The following RORA variants were observed in gnomAD, a reference collection of about 807,000 sequenced individuals.
RORA encodes the protein nuclear receptor ROR-alpha.
RORA carries 7 observed loss-of-function variants against 69.5 expected under a neutral mutation model. The ratio of observed to expected loss-of-function variants is 0.10; its 90% CI spans 0.06 to 0.19. RORA has a LOEUF of 0.19. RORA is among the 10% of genes least tolerant of loss of function. The pLI is 1.00. For synonymous variants in RORA, 261 were observed against 240.8 expected (o/e 1.08, Z -0.78); for missense variants, 457 against 663.0 (o/e 0.69, Z 3.41).
intron 1 of RORA, among the ~76,000 whole-genome samples, chr15:60,951,050 C>T: frequency 6.6e-6 from 1 of 151,012 alleles, no homozygotes; most frequent in Non-Finnish European, 1.5e-5. Flanking sequence ...TAAAGCTCTC[C>T]TCAGCAAATG....
intron 1 of RORA, among the ~76,000 whole-genome samples, chr15:61,215,098 T>A (rs1377086383): frequency 1.4e-5 from 2 of 142,202 alleles, no homozygotes; most frequent in East Asian, 2.1e-4. Flanking sequence ...TTAGCCAGGA[T>A]GGTCTCGAAC....
intron 1 of RORA, among the ~76,000 whole-genome samples, chr15:61,084,180 G>A (rs1036036415): frequency 9.2e-5 from 14 of 152,212 alleles, no homozygotes; most frequent in Non-Finnish European, 2.1e-4. Flanking sequence ...CAGAGATGGT[G>A]AACAAATCAT....
intron 1 of RORA, among the ~76,000 whole-genome samples, chr15:61,010,875 C>G (rs1895065627): frequency 6.6e-6 from 1 of 152,168 alleles, no homozygotes; most frequent in African/African-American, 2.4e-5. Context: ...TTTCTACTTA[C>G]ATCAATGAGC....
At chr15:60,516,921 T>C (rs1224698150) in intron 3 of RORA, among the ~76,000 whole-genome samples, 3 of 151,884 alleles carry the variant, frequency 2.0e-5, no homozygotes, top group African/African-American at 4.8e-5. Context: ...ATATAAAAGG[T>C]GATAAAAATA....
chr15:61,075,921 T>C (rs993963288), intron 1 of RORA, among the ~76,000 whole-genome samples: 8 of 152,172 alleles, frequency 5.3e-5, no homozygotes, highest in African/African-American at 1.9e-4. Flanking sequence ...CTCCTGGAGC[T>C]GCCAGGCAGC....
At chr15:61,007,767 TAACA>T (rs1894956609) in intron 1 of RORA, among the ~76,000 whole-genome samples, 2 of 148,102 alleles carry the variant, frequency 1.4e-5, no homozygotes, top group Non-Finnish European at 3.0e-5. Flanking sequence ...ATATTATATA[TAACA>T]TTAGGCTGTT....
intron 1 of RORA, among the ~76,000 whole-genome samples, chr15:60,976,961 T>C (rs773141031): frequency 6.6e-6 from 1 of 152,214 alleles, no homozygotes; most frequent in Non-Finnish European, 1.5e-5. Context: ...TAGGTGACCA[T>C]GTGTCCTGGG....
chr15:60,596,859 G>C (rs1294905838), intron 2 of RORA, among the ~76,000 whole-genome samples: 2 of 152,064 alleles, frequency 1.3e-5, no homozygotes, highest in Non-Finnish European at 2.9e-5. Context: ...GGTGGCAAGA[G>C]ACACCTACAC....
intron 1 of RORA, among the ~76,000 whole-genome samples, chr15:60,933,009 G>A (rs1566914415): frequency 6.6e-6 from 1 of 152,044 alleles, no homozygotes. Flanking sequence ...GAGTTTCCAG[G>A]TTGCCCCCCA....
At chr15:60,577,458 A>G (rs2068057656) in intron 2 of RORA, among the ~76,000 whole-genome samples, 1 of 152,140 alleles carries the variant, frequency 6.6e-6, no homozygotes, top group South Asian at 2.1e-4. Context: ...AGCCTGGCCA[A>G]CATGGTAAAA....
In RORA at chr15:60,534,879, C is replaced by T. The variant is rs1054878782; in HGVS notation, c.197-3028G>A. ...CAATGCACAAAAGCCCTCTCCATCC[C>T]CCATTTTAGTCAATTTCCAGAATTC... On this transcript the variant is annotated intron_variant, in intron 2 of 10. Coordinates refer to ENST00000335670, the MANE Select transcript of RORA (RefSeq NM_134261.3). The surrounding 1 kb of genome is among the most constrained non-coding windows in gnomAD (Gnocchi z 5.0). Among the ~76,000 whole-genome samples, 3 of 152,086 alleles carry T rather than the reference C, an allele frequency of 2.0e-5. No individual in the cohort carries two copies. The highest frequency in any genetic ancestry group is 7.2e-5 in the African/African-American group (3 of 41,388).
chr15:60,597,601 T>TATATATAC (rs2068718484), intron 2 of RORA, among the ~76,000 whole-genome samples: 1 of 41,878 alleles, frequency 2.4e-5, no homozygotes, highest in South Asian at 6.9e-4. Context: ...TATACACATA[T>TATATATAC]ATATATATAT....
chr15:60,698,100 T>C (rs536095518), intron 1 of RORA, among the ~76,000 whole-genome samples: 28 of 152,318 alleles, frequency 1.8e-4, no homozygotes, highest in African/African-American at 6.3e-4. Flanking sequence ...ATTGTAGACA[T>C]TGTATCAAGT....
At chr15:60,866,820 TTATCTATCTATCTATC>T (rs535434841) in intron 1 of RORA, among the ~76,000 whole-genome samples, 2 of 146,680 alleles carry the variant, frequency 1.4e-5, no homozygotes, top group Admixed American at 6.9e-5. Context: ...TATCTTATCT[TTATCTATCTATCTATC>T]TATCTATCTA....
chr15:60,540,566 C>CA (rs1350744029), intron 2 of RORA, among the ~76,000 whole-genome samples: 3 of 40,550 alleles, frequency 7.4e-5, no homozygotes, highest in Admixed American at 4.8e-4. Context: ...TTTCCATGAC[C>CA]CCCCCCCCCC....
At chr15:61,048,469 G>A (rs577889630) in intron 1 of RORA, among the ~76,000 whole-genome samples, 5 of 152,288 alleles carry the variant, frequency 3.3e-5, no homozygotes, top group African/African-American at 9.6e-5. Context: ...AGAGTCACAC[G>A]GCAGAGAGGA....
chr15:60,831,878 C>T (rs1442609030), intron 1 of RORA, among the ~76,000 whole-genome samples: 1 of 152,136 alleles, frequency 6.6e-6, no homozygotes, highest in East Asian at 1.9e-4. Context: ...CCCTATAAAA[C>T]ATCACTCTCA....
chr15:61,174,144 C>A (rs2079608053), intron 1 of RORA, among the ~76,000 whole-genome samples: 1 of 152,214 alleles, frequency 6.6e-6, no homozygotes, highest in Admixed American at 6.5e-5. Context: ...GGCTCAAGCC[C>A]ATTCTCCAGC....
chr15:60,814,902 G>A (rs951881260), intron 1 of RORA, among the ~76,000 whole-genome samples: 2 of 152,318 alleles, frequency 1.3e-5, no homozygotes, highest in Admixed American at 6.5e-5. Context: ...CCTGGGGTGA[G>A]GAAGGTAGGA....
Sources: gnomAD v4.1 joint callset for allele counts (sites outside exome capture counted in the v4.1 genomes callset) on GRCh38, gnomAD v4.1.1 for gene constraint, Gnocchi (gnomAD v3.1) non-coding constraint, MANE v1.5 for transcripts, NCBI Gene and HGNC (gene_info 2026-07-23, HGNC 2026-07-21) for gene names.